The following ANKUB1 variants were observed in gnomAD, a reference collection of about 807,000 sequenced individuals.
The protein encoded by ANKUB1 is ankyrin repeat and ubiquitin domain containing 1, also known as protein ANKUB1.
ANKUB1 carries 42 observed loss-of-function variants against 49.3 expected under a neutral mutation model. The observed-to-expected ratio is 0.85, with a 90% CI of 0.67 to 1.10. ANKUB1 has a LOEUF of 1.10. ANKUB1 is among the 50% of genes least tolerant of loss of function. The pLI, the probability that ANKUB1 is intolerant of heterozygous loss-of-function variation, is 0.00. For synonymous variants in ANKUB1, 222 were observed against 231.0 expected, an observed-to-expected ratio of 0.96 and a Z score of 0.35; for missense variants, 613 against 642.0, an observed-to-expected ratio of 0.95 and a Z score of 0.49.
intron 2 of ANKUB1, among the ~76,000 whole-genome samples, chr3:149,789,481 A>T (rs1718261724): frequency 6.6e-6 from 1 of 152,192 alleles, no homozygotes; most frequent in South Asian, 2.1e-4. Context: ...ATGTAATGTT[A>T]TACTTCCATT....
Position 149,766,173 on chromosome 3 carries a change from C to T in ANKUB1, c.1505+984G>A, listed in dbSNP as rs73005771. Among the ~76,000 whole-genome samples the T allele has an allele frequency of 6.9e-3, 1,054 of 152,240 alleles. 13 individuals are homozygous for T. Among genetic ancestry groups the T allele is most frequent in the African/African-American group, 0.024 (998 of 41,542 alleles). On this transcript the variant is annotated intron_variant, in intron 5 of 5. Coordinates refer to ENST00000446160, the MANE Select transcript of ANKUB1 (RefSeq NM_001144960.3). ...GTTGTGTACCTTAAACATCTAATTCCGATACACTTTCTTATCTCTTTAGAT... is the reference window on the plus strand; with the variant it reads ...GTTGTGTACCTTAAACATCTAATTCTGATACACTTTCTTATCTCTTTAGAT...
At chr3:149,792,062 T>G (rs551021405) in intron 1 of ANKUB1, among the ~76,000 whole-genome samples, 2 of 152,228 alleles carry the variant, frequency 1.3e-5, no homozygotes, top group South Asian at 2.1e-4. Flanking sequence ...TTCTTGATAA[T>G]TGACTGGCTC....
In ANKUB1 at chr3:149,761,570, T is replaced by C. The variant is rs1329721627; in HGVS notation, c.1549A>G (p.Arg517Gly). The C allele has an allele frequency of 6.4e-7, 1 of 1,551,352 alleles. No individual in the cohort carries two copies. Residue 517 changes from arginine to glycine, a missense_variant, in exon 6 of 6, where the codon AGA becomes GGA. By Grantham distance (125) the Arg-to-Gly change is moderately radical. Coordinates refer to ENST00000446160, the MANE Select transcript of ANKUB1 (RefSeq NM_001144960.3). Reference sequence around the variant, plus strand: ...GAAATGCTCTTTTTGGCCAGGACTCTTGCTATTTCTAACTGCTGAAGCCAT... The same window carrying C: ...GAAATGCTCTTTTTGGCCAGGACTCCTGCTATTTCTAACTGCTGAAGCCAT... Reference protein sequence around the residue: ...KRWLQQLEIARVLAKKSISNL... With the variant: ...KRWLQQLEIAGVLAKKSISNL...
intron 3 of ANKUB1, chr3:149,779,380 G>A (rs1286950966): frequency 1.3e-5 from 2 of 151,856 alleles, no homozygotes; most frequent in East Asian, 3.9e-4. Context: ...ATGTTGCCTA[G>A]GCTGGTCTTG....
intron 3 of ANKUB1, among the ~76,000 whole-genome samples, chr3:149,774,225 A>G (rs753992508): frequency 3.3e-5 from 5 of 152,108 alleles, no homozygotes; most frequent in Non-Finnish European, 7.3e-5. Context: ...GATTTCTGTC[A>G]CGTTGTCAGA....
At chr3:149,764,594 TCCTTCCTC>T (rs796752709) in intron 5 of ANKUB1, among the ~76,000 whole-genome samples, 108 of 111,584 alleles carry the variant, frequency 9.7e-4, no homozygotes, top group African/African-American at 4.1e-3. Context: ...CTCCCTCCCT[TCCTTCCTC>T]CCTCCCTCCC....
chr3:149,790,837 A>C lies in ANKUB1; in HGVS notation c.178T>G (p.Trp60Gly), dbSNP rs1289549958. The C allele has an allele frequency of 1.1e-5, 17 of 1,552,058 alleles. No individual in the cohort carries two copies. The highest frequency in any genetic ancestry group is 1.4e-5 in the Non-Finnish European group (16 of 1,147,074). ...MYAGAALKDS[W>G]SLADVGISFC... is the part of the protein sequence containing the mutation. ...GATATTCCAACATCAGCAAGACTCCAACTGTCCTTTAGAGCAGCTCCAGCA... is the reference window on the plus strand; with the variant it reads ...GATATTCCAACATCAGCAAGACTCCCACTGTCCTTTAGAGCAGCTCCAGCA... The change falls in exon 2 of 6, where the codon TGG becomes GGG. Residue 60 changes from tryptophan to glycine, a missense_variant. Coordinates refer to ENST00000446160, the MANE Select transcript of ANKUB1 (RefSeq NM_001144960.3).
In ANKUB1 at chr3:149,767,275, A is replaced by G. The variant is rs1717069655; in HGVS notation, c.1387T>C (p.Ser463Pro). 4 of 1,551,650 alleles carry G rather than the reference A, an allele frequency of 2.6e-6. No homozygotes were observed. The highest frequency in any genetic ancestry group is 3.5e-6 in the Non-Finnish European group (4 of 1,146,958). ...PVSRVGYSHP[S>P]FFYATPSADF... ...GCACTGGGTGTTGCATAGAAAAACGATGGATGTGAATATCCCACTCTTGAA... is the reference window on the plus strand; with the variant it reads ...GCACTGGGTGTTGCATAGAAAAACGGTGGATGTGAATATCCCACTCTTGAA... The change falls in exon 5 of 6, where the codon TCG becomes CCG. Residue 463 changes from serine (S) to proline (P), a missense_variant. Ser to Pro is a moderately conservative substitution (Grantham distance 74). Transcript: ENST00000446160.
At position 149,770,648 on chromosome 3, in the gene ANKUB1, C is replaced by T. The variant is rs868052522; in HGVS notation, c.478G>A (p.Asp160Asn). ...IGTTLRLDVW[D>N]GWKEFLMGCL... ...CCCATCAGAAATTCCTTCCATCCAT[C>T]CCAGACATCCAAGCGAAGTGTTGTG... Residue 160 changes from aspartate (D) to asparagine (N), a missense_variant, in exon 4 of 6, where the codon GAT (aspartate) becomes AAT (asparagine). By Grantham distance (23) the Asp-to-Asn change is conservative. Transcript: ENST00000446160. 6.5e-7 allele frequency: 1 copy of T among 1,549,846 alleles called. No individual in the cohort carries two copies. The highest frequency in any genetic ancestry group is 1.2e-5 in the South Asian group (1 of 83,530).
At chr3:149,771,723 G>C (rs1213925665) in intron 3 of ANKUB1, among the ~76,000 whole-genome samples, 1 of 152,060 alleles carries the variant, frequency 6.6e-6, no homozygotes, top group African/African-American at 2.4e-5. Context: ...CTTGGTAGGT[G>C]CTCACTAAAT....
intron 2 of ANKUB1, chr3:149,782,963 A>G (rs1717934144): frequency 1.3e-5 from 2 of 151,974 alleles, no homozygotes; most frequent in Non-Finnish European, 2.9e-5. Context: ...TTTTTTTTTT[A>G]AGCGCTCAGG....
In ANKUB1 at chr3:149,761,708, T is replaced by C. The variant is rs1411069782; in HGVS notation, c.1506-95A>G. The C allele has an allele frequency of 3.6e-6, 5 of 1,375,738 alleles. No homozygotes were observed. In the East Asian group the frequency reaches 1.3e-4, roughly 35 times the overall value. 85.2% of individuals were successfully genotyped at this position (1,375,738 alleles called of 1,614,324 possible). A position where few individuals can be genotyped will look rare whatever the true frequency, so the allele number is the denominator to read the frequency against. ...GAAATCTTCAGGTTGATTTTGTAGC[T>C]AGGGCTAGTTTGTCTTGTCACATAG... On this transcript the variant is annotated intron_variant, in intron 5 of 5. Coordinates refer to ENST00000446160, the MANE Select transcript of ANKUB1 (RefSeq NM_001144960.3).
intron 2 of ANKUB1, among the ~76,000 whole-genome samples, chr3:149,786,954 C>G (rs1007287599): frequency 6.6e-6 from 1 of 152,160 alleles, no homozygotes; most frequent in African/African-American, 2.4e-5. Context: ...GTACCAGTAC[C>G]ATGCTGTTTT....
intron 5 of ANKUB1, among the ~76,000 whole-genome samples, chr3:149,765,548 GCACACACA>G (rs59155543): frequency 6.8e-6 from 1 of 147,552 alleles, no homozygotes; most frequent in East Asian, 2.0e-4. Context: ...ACACACACAT[GCACACACA>G]CACACACACA....
Position 149,761,314 on chromosome 3 carries a change from G to A in ANKUB1, c.*170C>T. On this transcript the variant is annotated 3_prime_UTR_variant, in exon 6 of 6. Coordinates refer to ENST00000446160, the MANE Select transcript of ANKUB1 (RefSeq NM_001144960.3). ...AAAAATAGCACTAAAGTTTCACTTA[G>A]TGTGATGAAGTCTGAGAAAACATGG... The A allele has an allele frequency of 1.4e-6, 1 of 718,416 alleles. No homozygotes were observed. The highest frequency in any genetic ancestry group is 2.1e-6 in the Non-Finnish European group (1 of 472,954). 44.5% of individuals were successfully genotyped at this position (718,416 alleles called of 1,614,324 possible).
chr3:149,769,776 G>C (rs1559863568), intron 4 of ANKUB1, among the ~76,000 whole-genome samples: 1 of 152,328 alleles, frequency 6.6e-6, no homozygotes, highest in East Asian at 1.9e-4. Context: ...ACCATTGTAA[G>C]TTGAAAAATC....
rs774131451 is a variant in ANKUB1, at chr3:149,768,015, G to A, written c.647C>T (p.Ala216Val). The change falls in exon 5 of 6, where the codon GCG becomes GTG. Residue 216 changes from alanine to valine, a missense_variant. Coordinates refer to ENST00000446160, the MANE Select transcript of ANKUB1 (RefSeq NM_001144960.3). ...ELTEWALKQG[A>V]RPHEAVGVHP... ...AACACCGACTGCCTCGTGGGGCCGC[G>A]CACCCTGCTTCAGGGCCCATTCAGT... 8.9e-5 allele frequency: 133 copies of A among 1,494,374 alleles called. 2 individuals carry two copies. Among genetic ancestry groups the A allele is most frequent in the South Asian group, 6.4e-4 (48 of 74,434 alleles). The allele number at this position is 1,494,374 out of a possible 1,614,324, so 92.6% of individuals were successfully genotyped here.
rs1436267728 is a variant in ANKUB1, at chr3:149,761,553, C to T, written c.1566G>A (p.Lys522=). 6.4e-7 allele frequency: 1 copy of T among 1,551,292 alleles called. No individual in the cohort carries two copies. The highest frequency in any genetic ancestry group is 1.4e-5 in the African/African-American group (1 of 72,990). ...QLEIARVLAK[K]SISNLTTRGG... ...CTCGGGTAGTCAAGTTAGAAATGCT[C>T]TTTTTGGCCAGGACTCTTGCTATTT... The change falls in exon 6 of 6, where the codon AAG becomes AAA. Residue 522 remains lysine, a synonymous_variant. Coordinates refer to ENST00000446160, the MANE Select transcript of ANKUB1 (RefSeq NM_001144960.3).
At chr3:149,778,282 C>T (rs1233751220) in intron 3 of ANKUB1, 1 of 152,188 alleles carries the variant, frequency 6.6e-6, no homozygotes, top group Non-Finnish European at 1.5e-5. Flanking sequence ...GACCCTTAAC[C>T]TTATATCTGA....
Sources: gnomAD v4.1 joint callset for allele counts (sites outside exome capture counted in the v4.1 genomes callset) on GRCh38, gnomAD v4.1.1 for gene constraint, MANE v1.5 for transcripts, NCBI Gene and HGNC (gene_info 2026-07-23, HGNC 2026-07-21) for gene names.